FUT8: variants seen among roughly 807,000 people sequenced by gnomAD.
FUT8 encodes fucosyltransferase 8.
A neutral mutation model predicts 71.3 loss-of-function variants in FUT8; 29 were observed. The observed-to-expected ratio is 0.41, with a 90% CI of 0.30 to 0.55. FUT8 has a LOEUF of 0.55. Among genes scored for constraint, FUT8 ranks in the 20% least tolerant of loss-of-function variants. The pLI is 0.34. For synonymous variants in FUT8, 254 were observed against 239.3 expected, an observed-to-expected ratio of 1.06 and a Z score of -0.57; for missense variants, 544 against 702.1, an observed-to-expected ratio of 0.77 and a Z score of 2.55.
At chr14:65,588,735 GAGAA>G (rs1887525676) in intron 3 of FUT8, among the ~76,000 whole-genome samples, 1 of 152,172 alleles carries the variant, frequency 6.6e-6, no homozygotes, top group Non-Finnish European at 1.5e-5. Context: ...GAGAATGCAA[GAGAA>G]AGACCACATT....
chr14:65,545,140 T>C (rs1342584180), intron 2 of FUT8, among the ~76,000 whole-genome samples: 2 of 152,094 alleles, frequency 1.3e-5, no homozygotes, highest in African/African-American at 2.4e-5. Context: ...ATACTATTTT[T>C]ACTTGTTCCT....
chr14:65,594,149 GCCT>G (rs1887836648), intron 3 of FUT8, among the ~76,000 whole-genome samples: 2 of 152,190 alleles, frequency 1.3e-5, no homozygotes, highest in African/African-American at 4.8e-5. Flanking sequence ...TGACAGGGGT[GCCT>G]CGTTTACTCA....
chr14:65,487,327 G>C (rs1449591875), intron 2 of FUT8, among the ~76,000 whole-genome samples: 4 of 152,196 alleles, frequency 2.6e-5, no homozygotes, highest in Middle Eastern at 6.8e-3. Context: ...ACTTTGGGAG[G>C]CCAGGCAGGC....
chr14:65,460,146 G>A (rs2139579439), intron 2 of FUT8, among the ~76,000 whole-genome samples: 1 of 152,198 alleles, frequency 6.6e-6, no homozygotes, highest in Admixed American at 6.5e-5. Flanking sequence ...AATCTTTTTA[G>A]TCTTTTAGGA....
intron 3 of FUT8, among the ~76,000 whole-genome samples, chr14:65,567,454 G>A (rs957484847): frequency 2.7e-4 from 41 of 151,958 alleles, no homozygotes; most frequent in Admixed American, 2.1e-3. Flanking sequence ...TGAGAAGATT[G>A]TGTTAAAAAG....
At chr14:65,420,916 C>T (rs1163216653) in intron 1 of FUT8, among the ~76,000 whole-genome samples, 3 of 152,078 alleles carry the variant, frequency 2.0e-5, no homozygotes, top group Non-Finnish European at 4.4e-5. Context: ...AATCATAGGC[C>T]GGGCGCCGTG....
intron 6 of FUT8, among the ~76,000 whole-genome samples, chr14:65,662,644 T>C: frequency 6.6e-6 from 1 of 152,332 alleles, no homozygotes; most frequent in Middle Eastern, 3.4e-3. Flanking sequence ...TCTCTTGAAA[T>C]TATGAGAATA....
chr14:65,446,419 G>A (rs2065741795), intron 1 of FUT8, among the ~76,000 whole-genome samples: 3 of 152,142 alleles, frequency 2.0e-5, no homozygotes, highest in South Asian at 4.2e-4. Context: ...TCTTTGTGAC[G>A]TTAGCAGCCA....
intron 2 of FUT8, among the ~76,000 whole-genome samples, chr14:65,511,169 G>T (rs1882315276): frequency 6.6e-6 from 1 of 151,950 alleles, no homozygotes; most frequent in African/African-American, 2.4e-5. Flanking sequence ...TGACCCACTT[G>T]TCATTCAGGG....
chr14:65,692,362 C>T (rs561258302), intron 7 of FUT8, among the ~76,000 whole-genome samples: 13,918 of 122,584 alleles, frequency 0.11, 236 homozygotes, highest in South Asian at 0.22. Context: ...GGGGGGCTGA[C>T]CCCCCCACCT....
intron 9 of FUT8, among the ~76,000 whole-genome samples, chr14:65,724,826 G>A (rs1421613997): frequency 6.6e-6 from 1 of 152,156 alleles, no homozygotes; most frequent in Non-Finnish European, 1.5e-5. Flanking sequence ...GGGAACAGGA[G>A]AGGAAGTGTT....
chr14:65,682,744 A>G (rs1566893642), intron 7 of FUT8, among the ~76,000 whole-genome samples: 1 of 152,198 alleles, frequency 6.6e-6, no homozygotes, highest in Non-Finnish European at 1.5e-5. Flanking sequence ...TTGCTGAATT[A>G]TGTAGAAGAG....
At chr14:65,395,726 T>G in the FUT8 span, among the ~76,000 whole-genome samples, 1 of 152,256 alleles carries the variant, frequency 6.6e-6, no homozygotes, top group African/African-American at 2.4e-5. Flanking sequence ...GGCTCTGACA[T>G]GCCCTGGAGG....
chr14:65,542,161 T>C (rs577111184), intron 2 of FUT8, among the ~76,000 whole-genome samples: 1 of 152,358 alleles, frequency 6.6e-6, no homozygotes, highest in South Asian at 2.1e-4. Context: ...TATATAAATG[T>C]AATCGTTATT....
chr14:65,643,108 C>T lies in FUT8; in HGVS notation c.597+13502C>T, dbSNP rs1890917672. 2.0e-5 allele frequency among the ~76,000 whole-genome samples: 3 copies of T among 152,154 alleles called. No individual in the cohort carries two copies. The highest frequency in any genetic ancestry group is 2.0e-4 in the Admixed American group (3 of 15,274). The stretch of plus-strand genomic sequence containing the variant: ...AAAATCCTTACCAAAGTCCAAATTT[C>T]AGCTTTTAGGTTTTCTTAGCAAGAG... On this transcript the variant is annotated intron_variant, in intron 6 of 10. Transcript: ENST00000673929. The surrounding 1 kb of genome is among the most constrained non-coding windows in gnomAD (Gnocchi z 4.5).
intron 2 of FUT8, among the ~76,000 whole-genome samples, chr14:65,477,442 T>C (rs542349679): frequency 2.6e-5 from 4 of 152,298 alleles, no homozygotes; most frequent in African/African-American, 9.6e-5. Context: ...TTTTGATTAG[T>C]CATTTATTCA....
At chr14:65,630,851 T>C (rs1890145821) in intron 6 of FUT8, among the ~76,000 whole-genome samples, 2 of 152,204 alleles carry the variant, frequency 1.3e-5, no homozygotes, top group African/African-American at 2.4e-5. Context: ...CCTTGGAACA[T>C]CCTCCACCCT....
intron 1 of FUT8, among the ~76,000 whole-genome samples, chr14:65,440,116 T>TA (rs1295804691): frequency 5.3e-5 from 8 of 151,176 alleles, no homozygotes; most frequent in South Asian, 2.1e-4. Context: ...GAAAGACAAA[T>TA]ACTGCGTGGT....
intron 2 of FUT8, chr14:65,468,155 CTCT>C: frequency 1.6e-6 from 1 of 640,180 alleles, no homozygotes; most frequent in Non-Finnish European, 2.9e-6. Context: ...ACACTGCAGA[CTCT>C]TCCAGTTTTG....
Sources: gnomAD v4.1 joint callset for allele counts (sites outside exome capture counted in the v4.1 genomes callset) on GRCh38, gnomAD v4.1.1 for gene constraint, Gnocchi (gnomAD v3.1) non-coding constraint, MANE v1.5 for transcripts, NCBI Gene and HGNC (gene_info 2026-07-23, HGNC 2026-07-21) for gene names.